SLC17A1: variants seen among roughly 807,000 people sequenced by gnomAD.
SLC17A1 encodes sodium-dependent phosphate transport protein 1.
In SLC17A1, 51 loss-of-function variants were observed where a neutral mutation model predicts 53.5. That is an observed-to-expected ratio of 0.95 (90% confidence interval 0.76 to 1.20). The LOEUF is 1.20. Among genes scored for constraint, SLC17A1 ranks in the 50% most tolerant of loss-of-function variants. SLC17A1 has a pLI of 0.00. For missense variants in SLC17A1, 538 were observed against 568.2 expected, an observed-to-expected ratio of 0.95 and a Z score of 0.54; for synonymous variants, 179 against 198.8, an observed-to-expected ratio of 0.90 and a Z score of 0.84.
chr6:25,736,369 G>T, the SLC17A1 span, among the ~76,000 whole-genome samples: 1 of 152,092 alleles, frequency 6.6e-6, no homozygotes, highest in South Asian at 2.1e-4. Flanking sequence ...AAATGTGTTT[G>T]GTCTTTAACC....
chr6:25,798,686 C>T (rs1025672156), intron 12 of SLC17A1, 97 bp downstream of exon 12: 21 of 1,151,348 alleles, frequency 1.8e-5, no homozygotes, highest in Middle Eastern at 4.2e-4. Context: ...TCCAAACCTG[C>T]ACCCGTTATT....
At chr6:25,752,876 C>T in the SLC17A1 span, among the ~76,000 whole-genome samples, 44 of 151,636 alleles carry the variant, frequency 2.9e-4, no homozygotes, top group Non-Finnish European at 5.7e-4. Flanking sequence ...GGCGTGAACC[C>T]GGGAGACAGA....
the SLC17A1 span, among the ~76,000 whole-genome samples, chr6:25,776,088 A>G: frequency 2.0e-5 from 3 of 152,128 alleles, no homozygotes; most frequent in African/African-American, 7.2e-5. Flanking sequence ...ATTGCCCTCA[A>G]TAGAGCACCA....
At chr6:25,735,728 G>A in the SLC17A1 span, among the ~76,000 whole-genome samples, 2 of 152,138 alleles carry the variant, frequency 1.3e-5, no homozygotes, top group Admixed American at 6.5e-5. Context: ...AAATTATTGT[G>A]TTGTGTTCTA....
At chr6:25,737,261 C>A in the SLC17A1 span, among the ~76,000 whole-genome samples, 1 of 152,046 alleles carries the variant, frequency 6.6e-6, no homozygotes, top group Non-Finnish European at 1.5e-5. Context: ...TCTTTTCAGG[C>A]TTTTGCATTT....
At chr6:25,747,425 C>T in the SLC17A1 span, among the ~76,000 whole-genome samples, 1 of 152,240 alleles carries the variant, frequency 6.6e-6, no homozygotes, top group Non-Finnish European at 1.5e-5. Context: ...TTCAGCTCAA[C>T]TGTCTGATTG....
chr6:25,789,562 A>G (rs1179431759), intron 12 of SLC17A1, among the ~76,000 whole-genome samples: 2 of 152,214 alleles, frequency 1.3e-5, no homozygotes, highest in African/African-American at 4.8e-5. Flanking sequence ...AGAGCCAGAA[A>G]TGGTACATAT....
At chr6:25,741,695 G>A in the SLC17A1 span, among the ~76,000 whole-genome samples, 4 of 151,974 alleles carry the variant, frequency 2.6e-5, no homozygotes, top group East Asian at 5.8e-4. Flanking sequence ...CAGTCTGGGC[G>A]ACAGAGCGAG....
chr6:25,772,234 T>C, the SLC17A1 span, among the ~76,000 whole-genome samples: 1 of 152,158 alleles, frequency 6.6e-6, no homozygotes, highest in Non-Finnish European at 1.5e-5. Flanking sequence ...CAAGAAACAG[T>C]AAGGAGCATA....
intron 3 of SLC17A1, 132 bp downstream of exon 3, chr6:25,826,329 C>T (rs752964477): frequency 1.5e-6 from 1 of 646,646 alleles, no homozygotes; most frequent in Non-Finnish European, 2.4e-6. Flanking sequence ...TAGGTCACTC[C>T]TGGCAAGGTA....
chr6:25,769,258 G>A, the SLC17A1 span: 3 of 1,404,066 alleles, frequency 2.1e-6, no homozygotes, highest in Admixed American at 1.9e-5. Flanking sequence ...TTATAAAAGA[G>A]TGAGATTCAT....
At chr6:25,742,381 G>A in the SLC17A1 span, among the ~76,000 whole-genome samples, 1 of 152,104 alleles carries the variant, frequency 6.6e-6, no homozygotes. Context: ...AAAACCCAGT[G>A]GGGCATAGTG....
At chr6:25,726,786 C>A in the SLC17A1 span, 2 of 1,276,286 alleles carry the variant, frequency 1.6e-6, no homozygotes, top group Non-Finnish European at 2.2e-6. Flanking sequence ...TGTTTGTTTA[C>A]TTGGCGAGAC....
At chr6:25,831,147 T>C (rs1010011386) in intron 1 of SLC17A1, among the ~76,000 whole-genome samples, 9 of 152,192 alleles carry the variant, frequency 5.9e-5, no homozygotes, top group Non-Finnish European at 1.2e-4. Flanking sequence ...CACATGCCCC[T>C]GTCCGTATCT....
At chr6:25,776,484 G>A in the SLC17A1 span, 1 of 1,277,054 alleles carries the variant, frequency 7.8e-7, no homozygotes, top group Non-Finnish European at 1.1e-6. Flanking sequence ...TGTATTAAAA[G>A]TGATGCGTAT....
chr6:25,761,953 G>A, the SLC17A1 span: 1 of 1,611,456 alleles, frequency 6.2e-7, no homozygotes, highest in Middle Eastern at 1.7e-4. Flanking sequence ...CCTAGGAAGA[G>A]AGAACCAAAA....
chr6:25,729,361 TCTC>T, the SLC17A1 span, among the ~76,000 whole-genome samples: 5 of 152,194 alleles, frequency 3.3e-5, no homozygotes, highest in Admixed American at 1.3e-4. Flanking sequence ...CCTCTGCCCT[TCTC>T]CACACTGTGA....
At chr6:25,774,139 A>G in the SLC17A1 span, among the ~76,000 whole-genome samples, 3 of 152,290 alleles carry the variant, frequency 2.0e-5, no homozygotes, top group Non-Finnish European at 4.4e-5. Flanking sequence ...AGTCCCAAAT[A>G]AGACTTACAT....
rs1333818212 is a variant in SLC17A1, at chr6:25,830,609, T to C, written c.-50-2A>G. 3 of 1,609,736 alleles carry C rather than the reference T, an allele frequency of 1.9e-6. No individual in the cohort carries two copies. Among genetic ancestry groups the C allele is most frequent in the Admixed American group, 1.7e-5 (1 of 60,000 alleles). ...GCTGAAGGGTTTTGCCTCCACCCACTGTGAGTGCAAAACACGTTGATGTCA... is the reference window on the plus strand; with the variant it reads ...GCTGAAGGGTTTTGCCTCCACCCACCGTGAGTGCAAAACACGTTGATGTCA... On this transcript the variant is annotated splice_acceptor_variant, in intron 1 of 12. Coordinates refer to ENST00000244527, the MANE Select transcript of SLC17A1 (RefSeq NM_005074.5). LOFTEE classifies it low-confidence loss of function (5UTR_SPLICE).
Sources: gnomAD v4.1 joint callset for allele counts (sites outside exome capture counted in the v4.1 genomes callset) on GRCh38, gnomAD v4.1.1 for gene constraint, MANE v1.5 for transcripts, NCBI Gene and HGNC (gene_info 2026-07-23, HGNC 2026-07-21) for gene names.